The following PLAG1 variants were observed in gnomAD, a reference collection of about 807,000 sequenced individuals.
The protein encoded by PLAG1 is PLAG1 zinc finger.
PLAG1 carries 7 observed loss-of-function variants against 35.5 expected under a neutral mutation model. That is an observed-to-expected ratio of 0.20 (90% CI 0.11 to 0.37). The LOEUF (loss-of-function observed/expected upper bound fraction) is 0.37. Ranked by LOEUF, PLAG1 falls within the 10% of genes least tolerant of loss-of-function variation. The probability of loss-of-function intolerance (pLI) is 1.00; values close to 1 mark genes in which losing one functional copy is unlikely to be tolerated. For missense variants in PLAG1, 454 were observed against 602.8 expected (o/e 0.75, Z 2.58); for synonymous variants, 229 against 225.4 (o/e 1.02, Z -0.14).
At chr8:56,194,692 T>C (rs922092960) in intron 1 of PLAG1, among the ~76,000 whole-genome samples, 2 of 152,160 alleles carry the variant, frequency 1.3e-5, no homozygotes, top group African/African-American at 2.4e-5. Flanking sequence ...CAGGAGGCCA[T>C]CATGAAACCT....
intron 1 of PLAG1, among the ~76,000 whole-genome samples, chr8:56,195,147 T>G (rs113413879): frequency 1.3e-5 from 2 of 152,098 alleles, no homozygotes; most frequent in Non-Finnish European, 1.5e-5. Context: ...TTTCATGAAA[T>G]AGAGTGAATA....
At chr8:56,202,501 A>G (rs1055229656) in intron 1 of PLAG1, among the ~76,000 whole-genome samples, 3 of 152,230 alleles carry the variant, frequency 2.0e-5, no homozygotes, top group African/African-American at 7.2e-5. Context: ...ACATGCGGGT[A>G]TTTTGGCTTC....
Position 56,166,376 on chromosome 8 carries a change from G to T in PLAG1, c.1370C>A (p.Pro457His). 1 of 1,613,914 alleles carries T rather than the reference G, an allele frequency of 6.2e-7. No individual in the cohort carries two copies. Among genetic ancestry groups the T allele is most frequent in the South Asian group, 1.1e-5 (1 of 91,050 alleles). The stretch of plus-strand genomic sequence containing the variant: ...ATCCTGAAGATCCTGTGTTTGTGGG[G>T]GGAGCTGGGAAACAGAAGAATGTGC... ...EEAHSSVSQL[P>H]PQTQDLQDPA... Residue 457 changes from proline (P) to histidine (H), a missense_variant, in exon 5 of 5, where the codon CCC becomes CAC. This residue lies in a region of PLAG1 where 271 missense variants were observed against 315.6 expected (regional missense o/e 0.86). Transcript: ENST00000316981.
chr8:56,166,934 G>T lies in PLAG1; in HGVS notation c.812C>A (p.Ser271Tyr). ...TGATAACAGTTCACTGGAAGGTAAG[G>T]ACATCACCGGAAGGAGCTCGTCTTT... ...PIKDELLPVM[S>Y]LPSSELLSKP... Residue 271 changes from serine (S) to tyrosine (Y), a missense_variant, in exon 5 of 5, where the codon TCC becomes TAC. Physicochemically the swap from Ser to Tyr is moderately radical, Grantham distance 144 (BLOSUM62 -2). Coordinates refer to ENST00000316981, the MANE Select transcript of PLAG1 (RefSeq NM_002655.3). The T allele has an allele frequency of 6.2e-7, 1 of 1,614,016 alleles. No individual in the cohort carries two copies. Among genetic ancestry groups the T allele is most frequent in the Non-Finnish European group, 8.5e-7 (1 of 1,179,910 alleles).
chr8:56,161,726 T>C lies in PLAG1; in HGVS notation c.*4517A>G, dbSNP rs939556128. The C allele has an allele frequency of 3.1e-5, 7 of 228,660 alleles. No individual in the cohort carries two copies. The highest frequency in any genetic ancestry group is 1.1e-4 in the African/African-American group (5 of 45,078). The allele number at this position is 228,660 out of a possible 1,614,324, so 14.2% of individuals were successfully genotyped here. On this transcript the variant is annotated 3_prime_UTR_variant, in exon 5 of 5. Transcript: ENST00000316981. Reference sequence around the variant, plus strand: ...TACACCTAATGTAGTCCTTTTTCTATGGATAAAAAAATACGACTGAATGAG... The same window carrying C: ...TACACCTAATGTAGTCCTTTTTCTACGGATAAAAAAATACGACTGAATGAG...
At position 56,163,291 on chromosome 8, in the gene PLAG1, G is replaced by C. The variant is rs1017910718; in HGVS notation, c.*2952C>G. On this transcript the variant is annotated 3_prime_UTR_variant, in exon 5 of 5. Coordinates refer to ENST00000316981, the MANE Select transcript of PLAG1 (RefSeq NM_002655.3). ...AAGGATAATGATTCTGGCCACTAGA[G>C]AATGAAAACAGCATTGGCAATACTT... The C allele has an allele frequency of 7.8e-6, 1 of 128,426 alleles. No homozygotes were observed. Among genetic ancestry groups the C allele is most frequent in the African/African-American group, 3.3e-5 (1 of 30,572 alleles). 8.0% of individuals were successfully genotyped at this position (128,426 alleles called of 1,614,324 possible). A position where few individuals can be genotyped will look rare whatever the true frequency, so the allele number is the denominator to read the frequency against.
Position 56,166,999 on chromosome 8 carries a change from A to G in PLAG1, c.747T>C (p.Asp249=), listed in dbSNP as rs1210498502. 2 of 1,614,052 alleles carry G rather than the reference A, an allele frequency of 1.2e-6. No homozygotes were observed. Among genetic ancestry groups the G allele is most frequent in the Admixed American group, 3.3e-5 (2 of 60,002 alleles). Residue 249 remains aspartate (D), a synonymous_variant, in exon 5 of 5, where the codon GAT becomes GAC. Transcript: ENST00000316981. Reference sequence around the variant, plus strand: ...CATTGCAGGTAAATGGGTCAAGGAAATCCACTGGTTCTGTTTTGACCTTCA... The same window carrying G: ...CATTGCAGGTAAATGGGTCAAGGAAGTCCACTGGTTCTGTTTTGACCTTCA... The part of the protein sequence containing the change: ...ELLKVKTEPV[D]FLDPFTCNVS...
Position 56,162,514 on chromosome 8 carries a change from C to CAT in PLAG1, c.*3727_*3728dup, listed in dbSNP as rs1811232410. The CAT allele has an allele frequency of 4.7e-6, 1 of 213,330 alleles. No homozygotes were observed. Among genetic ancestry groups the CAT allele is most frequent in the Non-Finnish European group, 9.5e-6 (1 of 105,364 alleles). The allele number at this position is 213,330 out of a possible 1,614,324, so 13.2% of individuals were successfully genotyped here. ...CAAAGCATTATATATCAAAGGCCTA[C>CAT]ATATATATCATCTAATGGCACTTGA... On this transcript the variant is annotated 3_prime_UTR_variant, in exon 5 of 5. Coordinates refer to ENST00000316981, the MANE Select transcript of PLAG1 (RefSeq NM_002655.3).
Position 56,163,723 on chromosome 8 carries a change from C to T in PLAG1, c.*2520G>A, listed in dbSNP as rs1811276060. On this transcript the variant is annotated 3_prime_UTR_variant, in exon 5 of 5. Coordinates refer to ENST00000316981, the MANE Select transcript of PLAG1 (RefSeq NM_002655.3). ...CATACACATACATACATATATGGCG[C>T]TATTCCCCATTTCCAAAATGCTTTA... 1 of 190,294 alleles carries T rather than the reference C, an allele frequency of 5.3e-6. No homozygotes were observed. Among genetic ancestry groups the T allele is most frequent in the African/African-American group, 2.3e-5 (1 of 42,722 alleles). The allele number at this position is 190,294 out of a possible 1,614,324, so 11.8% of individuals were successfully genotyped here. A position where few individuals can be genotyped will look rare whatever the true frequency, so the allele number is the denominator to read the frequency against.
At position 56,165,676 on chromosome 8, in the gene PLAG1, C is replaced by T; in HGVS notation, c.*567G>A. On this transcript the variant is annotated 3_prime_UTR_variant, in exon 5 of 5. Coordinates refer to ENST00000316981, the MANE Select transcript of PLAG1 (RefSeq NM_002655.3). ...GATGGCAAATATTTTAGCCAGACAA[C>T]AGGGAGTCTTCAGAATATACTGATC... The T allele has an allele frequency of 5.1e-6, 1 of 197,450 alleles. No homozygotes were observed. The highest frequency in any genetic ancestry group is 1.1e-5 in the Non-Finnish European group (1 of 95,208). The allele number at this position is 197,450 out of a possible 1,614,324, so 12.2% of individuals were successfully genotyped here.
At chr8:56,202,723 G>A (rs775925502) in intron 1 of PLAG1, among the ~76,000 whole-genome samples, 1 of 152,110 alleles carries the variant, frequency 6.6e-6, no homozygotes, top group Non-Finnish European at 1.5e-5. Context: ...TGTATCTCTG[G>A]TATACAGCTG....
rs1425802257 is a variant in PLAG1, at chr8:56,167,733, A to C, written c.243-230T>G. Among the ~76,000 whole-genome samples the C allele has an allele frequency of 6.6e-6, 1 of 152,234 alleles. No homozygotes were observed. The highest frequency in any genetic ancestry group is 6.5e-5 in the Admixed American group (1 of 15,284). ...GGTTTCCAGCTATCATTACAAAAGC[A>C]AATGAGCAAGACTGAATATACTCAC... On this transcript the variant is annotated intron_variant, in intron 4 of 4. Coordinates refer to ENST00000316981, the MANE Select transcript of PLAG1 (RefSeq NM_002655.3). This position sits in a 1 kb window ranked among gnomAD's most constrained non-coding sequence, Gnocchi z 5.9.
chr8:56,167,362 C>T lies in PLAG1; in HGVS notation c.384G>A (p.Lys128=). Residue 128 remains lysine (K), a synonymous_variant, in exon 5 of 5, where the codon AAG becomes AAA. Transcript: ENST00000316981. The surrounding 1 kb of genome is among the most constrained non-coding windows in gnomAD (Gnocchi z 5.9). ...TAAATCCAAGCTTGGTATTGTAGTT[C>T]TTGCCACATTCTTCGCACTTAAACG... ...KETFKCEECG[K]NYNTKLGFKR... is the part of the protein sequence containing the mutation. 2 of 1,614,042 alleles carry T rather than the reference C, an allele frequency of 1.2e-6. No homozygotes were observed. Among genetic ancestry groups the T allele is most frequent in the Non-Finnish European group, 8.5e-7 (1 of 1,179,988 alleles).
intron 1 of PLAG1, among the ~76,000 whole-genome samples, chr8:56,200,275 C>A (rs1395722345): frequency 6.6e-6 from 1 of 152,170 alleles, no homozygotes; most frequent in East Asian, 1.9e-4. Flanking sequence ...AAGTATTAAA[C>A]CCATGACGGA....
At chr8:56,181,411 TTTG>T (rs1212751796) in intron 1 of PLAG1, among the ~76,000 whole-genome samples, 4 of 152,228 alleles carry the variant, frequency 2.6e-5, no homozygotes, top group African/African-American at 9.7e-5. Context: ...GTTCATGTCC[TTTG>T]CAGAGACATG....
intron 1 of PLAG1, among the ~76,000 whole-genome samples, chr8:56,208,462 T>C (rs1812758529): frequency 6.6e-6 from 1 of 152,198 alleles, no homozygotes; most frequent in Admixed American, 6.5e-5. Context: ...TGATGTGATG[T>C]TGTATAGAGG....
At position 56,203,605 on chromosome 8, in the gene PLAG1, A is replaced by T. The variant is rs1812621298; in HGVS notation, c.-322+7516T>A. ...CGTTTTATGAAGCAAGATAAAGAAA[A>T]ACATAAAATGTCACTAACTCCTGTT... is the stretch of plus-strand genomic sequence containing the variant. On this transcript the variant is annotated intron_variant, in intron 1 of 4. Transcript: ENST00000316981. Among the ~76,000 whole-genome samples, 6 of 152,068 alleles carry T rather than the reference A, an allele frequency of 3.9e-5. No individual in the cohort carries two copies. The South Asian group carries it at 1.2e-3, about 31-fold the overall frequency.
intron 1 of PLAG1, among the ~76,000 whole-genome samples, chr8:56,206,982 T>A (rs1199359900): frequency 5.9e-5 from 9 of 151,902 alleles, no homozygotes; most frequent in Admixed American, 5.9e-4. Flanking sequence ...AGAGAAAAAA[T>A]TAATATTTAT....
intron 1 of PLAG1, among the ~76,000 whole-genome samples, chr8:56,183,249 T>C (rs10958476): frequency 0.16 from 24,230 of 152,212 alleles, 2,297 homozygotes; most frequent in Non-Finnish European, 0.21. Context: ...AGTTAATATA[T>C]GTTGACCTGA....
Sources: gnomAD v4.1 joint callset for allele counts (sites outside exome capture counted in the v4.1 genomes callset) on GRCh38, gnomAD v4.1.1 for gene constraint, gnomAD v4.1.1 regional missense constraint, Gnocchi (gnomAD v3.1) non-coding constraint, MANE v1.5 for transcripts, NCBI Gene and HGNC (gene_info 2026-07-23, HGNC 2026-07-21) for gene names.